ZBBX: variants seen among roughly 807,000 people sequenced by gnomAD.
The protein encoded by ZBBX is zinc finger B-box domain-containing protein 1.
ZBBX carries 101 observed loss-of-function variants against 108.5 expected under a neutral mutation model. The observed-to-expected ratio is 0.93, with a 90% CI of 0.79 to 1.10. The LOEUF (loss-of-function observed/expected upper bound fraction) is 1.10. Ranked by LOEUF, ZBBX falls within the 50% of genes least tolerant of loss-of-function variation. The pLI, the probability that ZBBX is intolerant of heterozygous loss-of-function variation, is 0.00. For missense variants in ZBBX, 1,009 were observed against 941.4 expected, an observed-to-expected ratio of 1.07 and a Z score of -0.94; for synonymous variants, 356 against 323.4, an observed-to-expected ratio of 1.10 and a Z score of -1.08.
chr3:167,359,853 C>CA lies in ZBBX; in HGVS notation c.432+16_432+17insT. The CA allele has an allele frequency of 2.7e-5, 34 of 1,257,230 alleles. No individual in the cohort carries two copies. Among genetic ancestry groups the CA allele is most frequent in the Non-Finnish European group, 3.6e-5 (32 of 900,304 alleles). 77.9% of individuals were successfully genotyped at this position (1,257,230 alleles called of 1,614,324 possible). ...CTACTATACAGTATATGTATATATA[C>CA]TATATAACGTACATACCAGTAGAGC... On this transcript the variant is annotated intron_variant, in intron 8 of 21. Transcript: ENST00000675490.
intron 19 of ZBBX, chr3:167,282,707 T>A (rs889839994): frequency 1.6e-5 from 7 of 448,666 alleles, no homozygotes; most frequent in African/African-American, 9.9e-5. Context: ...CTTCTGTGTA[T>A]TTTTTTCCTA....
the ZBBX span, among the ~76,000 whole-genome samples, chr3:167,218,778 C>G: frequency 1.3e-5 from 2 of 151,944 alleles, no homozygotes; most frequent in African/African-American, 4.8e-5. Context: ...TTCTCAATTA[C>G]CACTGATAAG....
intron 1 of ZBBX, among the ~76,000 whole-genome samples, chr3:167,387,918 T>C (rs1209081291): frequency 6.6e-6 from 1 of 152,064 alleles, no homozygotes; most frequent in Non-Finnish European, 1.5e-5. Flanking sequence ...TTAAGGAACA[T>C]TCATTTATTA....
chr3:167,336,175 T>C (rs1380442041), intron 9 of ZBBX, among the ~76,000 whole-genome samples: 1 of 152,114 alleles, frequency 6.6e-6, no homozygotes, highest in South Asian at 2.1e-4. Flanking sequence ...AGATTATTTC[T>C]GTCCTAAAAT....
At chr3:167,295,754 TATATAAA>T (rs1731578470) in intron 18 of ZBBX, among the ~76,000 whole-genome samples, 2 of 14,612 alleles carry the variant, frequency 1.4e-4, no homozygotes, top group South Asian at 2.9e-3. Flanking sequence ...TATATATATA[TATATAAA>T]AAAAACTAGT....
chr3:167,200,348 A>G, the ZBBX span, among the ~76,000 whole-genome samples: 3 of 152,170 alleles, frequency 2.0e-5, no homozygotes, highest in Non-Finnish European at 2.9e-5. Context: ...TTGATTTGAA[A>G]TTAAAATTTA....
intron 1 of ZBBX, among the ~76,000 whole-genome samples, chr3:167,387,504 C>T (rs546156290): frequency 1.3e-5 from 2 of 151,806 alleles, no homozygotes; most frequent in Non-Finnish European, 2.9e-5. Flanking sequence ...TGGTATGGAG[C>T]GTGGGTGAAA....
chr3:167,337,359 A>T (rs1739730434), intron 9 of ZBBX, among the ~76,000 whole-genome samples: 1 of 152,074 alleles, frequency 6.6e-6, no homozygotes, highest in Admixed American at 6.6e-5. Flanking sequence ...CCCTACTAAA[A>T]ATACAAAAAA....
intron 20 of ZBBX, among the ~76,000 whole-genome samples, chr3:167,274,182 C>T (rs1234679847): frequency 6.6e-6 from 1 of 152,158 alleles, no homozygotes; most frequent in African/African-American, 2.4e-5. Context: ...ACTGCTTTGT[C>T]CAATGAACTA....
intron 16 of ZBBX, among the ~76,000 whole-genome samples, chr3:167,313,042 C>A (rs1734856863): frequency 6.6e-6 from 1 of 152,032 alleles, no homozygotes; most frequent in African/African-American, 2.4e-5. Flanking sequence ...TACATTTTTG[C>A]TTAGGAAAAT....
At chr3:167,229,572 A>C in the ZBBX span, among the ~76,000 whole-genome samples, 12 of 151,828 alleles carry the variant, frequency 7.9e-5, no homozygotes, top group African/African-American at 2.7e-4. Context: ...ATACTTCGGA[A>C]ATATGATGAT....
chr3:167,200,027 A>C, the ZBBX span, among the ~76,000 whole-genome samples: 1 of 152,094 alleles, frequency 6.6e-6, no homozygotes, highest in Non-Finnish European at 1.5e-5. Flanking sequence ...TGGTTTACAG[A>C]TACATCAATT....
chr3:167,390,536 T>C (rs1748055961), intron 1 of ZBBX, among the ~76,000 whole-genome samples: 1 of 151,124 alleles, frequency 6.6e-6, no homozygotes, highest in Non-Finnish European at 1.5e-5. Context: ...AGAAAGCCAA[T>C]GGTAGCTTGA....
chr3:167,402,244 T>C (rs1271180455), intron 1 of ZBBX, among the ~76,000 whole-genome samples: 2 of 152,178 alleles, frequency 1.3e-5, no homozygotes, highest in East Asian at 1.9e-4. Context: ...GCATCTCCCA[T>C]ATTCTCCCCA....
intron 12 of ZBBX, among the ~76,000 whole-genome samples, chr3:167,321,644 A>AT (rs1283704320): frequency 6.6e-6 from 1 of 151,968 alleles, no homozygotes; most frequent in Non-Finnish European, 1.5e-5. Flanking sequence ...AATAACCCAT[A>AT]TTTTGCCACA....
At chr3:167,322,335 T>A in intron 11 of ZBBX, 98 bp from the exon 12 acceptor site, 1 of 968,602 alleles carries the variant, frequency 1.0e-6, no homozygotes, top group Non-Finnish European at 1.4e-6. Flanking sequence ...TTGGGGCATA[T>A]ATGCTTTAAT....
chr3:167,365,859 C>T, intron 6 of ZBBX, 27 bp downstream of exon 6: 4 of 1,519,036 alleles, frequency 2.6e-6, no homozygotes, highest in Non-Finnish European at 3.6e-6. Context: ...TAGCAAAATG[C>T]ATAAGAATCA....
rs1228177504 is a variant in ZBBX, at chr3:167,372,927, A to T, written c.-26T>A. The T allele has an allele frequency of 6.5e-7, 1 of 1,549,312 alleles. No homozygotes were observed. Among genetic ancestry groups the T allele is most frequent in the East Asian group, 2.3e-5 (1 of 44,090 alleles). The stretch of plus-strand genomic sequence containing the variant: ...GATTACCACCTTAATATTGTCTAAA[A>T]GTTATTCTGATTTGTAAACACTTCT... On this transcript the variant is annotated 5_prime_UTR_variant, in exon 4 of 22. Transcript: ENST00000675490.
At chr3:167,263,055 T>G (rs1724849951) in intron 20 of ZBBX, among the ~76,000 whole-genome samples, 1 of 112,856 alleles carries the variant, frequency 8.9e-6, no homozygotes, top group Non-Finnish European at 1.9e-5. Context: ...TTTTTTTTTT[T>G]GAGATGGAGT....
Sources: allele counts gnomAD v4.1 joint callset (sites outside exome capture counted in the v4.1 genomes callset), GRCh38; gene constraint gnomAD v4.1.1; transcripts MANE v1.5; gene names NCBI Gene and HGNC (gene_info 2026-07-23, HGNC 2026-07-21).